The following KLF12 variants were observed in gnomAD, a reference collection of about 807,000 sequenced individuals.
KLF12 encodes Krueppel-like factor 12.
In KLF12, 9 loss-of-function variants were observed where a neutral mutation model predicts 37.8. That is an observed-to-expected ratio of 0.24 (90% CI 0.14 to 0.42). The LOEUF is 0.42. Ranked by LOEUF, KLF12 falls within the 10% of genes least tolerant of loss-of-function variation. The pLI is 1.00. For synonymous variants in KLF12, 208 were observed against 202.1 expected (o/e 1.03, Z -0.25); for missense variants, 411 against 516.0 (o/e 0.80, Z 1.97).
At chr13:74,182,823 T>C in the KLF12 span, among the ~76,000 whole-genome samples, 4 of 152,098 alleles carry the variant, frequency 2.6e-5, no homozygotes, top group African/African-American at 7.2e-5. Flanking sequence ...GGGAAATGCT[T>C]GGTTAAATAC....
At chr13:74,285,428 A>C in the KLF12 span, among the ~76,000 whole-genome samples, 1 of 152,220 alleles carries the variant, frequency 6.6e-6, no homozygotes, top group Non-Finnish European at 1.5e-5. Context: ...TTTCTCTCAT[A>C]AAACAGAAAG....
the KLF12 span, among the ~76,000 whole-genome samples, chr13:74,165,494 T>C: frequency 6.6e-6 from 1 of 152,030 alleles, no homozygotes; most frequent in Admixed American, 6.5e-5. Flanking sequence ...AGATGGGGTT[T>C]CACCGTGTTG....
At chr13:73,838,588 T>G (rs1189421248) in intron 4 of KLF12, among the ~76,000 whole-genome samples, 1 of 152,188 alleles carries the variant, frequency 6.6e-6, no homozygotes, top group African/African-American at 2.4e-5. Flanking sequence ...GGACCTATAA[T>G]AAGTTATTTT....
chr13:74,063,523 A>T (rs1233406268), intron 1 of KLF12, among the ~76,000 whole-genome samples: 1 of 152,212 alleles, frequency 6.6e-6, no homozygotes, highest in African/African-American at 2.4e-5. Flanking sequence ...TAATCAGCCA[A>T]GATTTTAATG....
At chr13:73,914,638 C>T (rs1400738733) in intron 3 of KLF12, among the ~76,000 whole-genome samples, 1 of 152,192 alleles carries the variant, frequency 6.6e-6, no homozygotes, top group Non-Finnish European at 1.5e-5. Flanking sequence ...TCCCCACAAT[C>T]ATTCTTCAAC....
chr13:73,896,080 T>A lies in KLF12; in HGVS notation c.123+47901A>T, dbSNP rs150990637. On this transcript the variant is annotated intron_variant, in intron 3 of 7. Coordinates refer to ENST00000377669, the MANE Select transcript of KLF12 (RefSeq NM_007249.5). ...AGGAGATCCACCCACCTTGGCCTCC[T>A]AAAGTTCTGGGATAGAAATCACCAC... is the stretch of plus-strand genomic sequence containing the variant. 3.9e-3 allele frequency among the ~76,000 whole-genome samples: 594 copies of A among 152,226 alleles called. 3 individuals are homozygous for A. Among genetic ancestry groups the A allele is most frequent in the African/African-American group, 0.014 (570 of 41,524 alleles).
the KLF12 span, among the ~76,000 whole-genome samples, chr13:74,238,095 T>C: frequency 7.3e-5 from 10 of 136,572 alleles, no homozygotes; most frequent in Non-Finnish European, 1.5e-4. Context: ...ATAGCTCTTA[T>C]TATTTTGAAA....
intron 3 of KLF12, among the ~76,000 whole-genome samples, chr13:73,854,010 C>T (rs547760597): frequency 6.6e-6 from 1 of 152,204 alleles, no homozygotes; most frequent in East Asian, 1.9e-4. Context: ...TGGATTAAGT[C>T]CTATTATCTT....
intron 1 of KLF12, among the ~76,000 whole-genome samples, chr13:74,130,773 A>G (rs1368997981): frequency 2.0e-5 from 3 of 152,244 alleles, no homozygotes; most frequent in African/African-American, 7.2e-5. Flanking sequence ...AAAAACTTAT[A>G]AACAAAAACT....
chr13:74,107,450 C>T (rs987680448), intron 1 of KLF12, among the ~76,000 whole-genome samples: 30 of 152,196 alleles, frequency 2.0e-4, no homozygotes, highest in Admixed American at 1.7e-3. Flanking sequence ...AATATCTCTA[C>T]AGAAATAAAA....
chr13:73,760,770 A>G (rs1436457547), intron 6 of KLF12, among the ~76,000 whole-genome samples: 1 of 152,184 alleles, frequency 6.6e-6, no homozygotes, highest in Non-Finnish European at 1.5e-5. Context: ...CGCCACCATT[A>G]TCAAGCAACG....
intron 2 of KLF12, among the ~76,000 whole-genome samples, chr13:73,964,916 A>G (rs767054176): frequency 1.3e-5 from 2 of 152,206 alleles, no homozygotes; most frequent in Non-Finnish European, 2.9e-5. Context: ...ATGACATTCC[A>G]AGGAAGCCAA....
chr13:73,734,288 A>G lies in KLF12; in HGVS notation c.870-18763T>C, dbSNP rs570179765. Reference sequence around the variant, plus strand: ...CCTGCACCACAGCTTCTCACTGTCTATTGCTTGCTTTGCTTCATATACCTT... The same window carrying G: ...CCTGCACCACAGCTTCTCACTGTCTGTTGCTTGCTTTGCTTCATATACCTT... On this transcript the variant is annotated intron_variant, in intron 6 of 7. Transcript: ENST00000377669. Among the ~76,000 whole-genome samples, 4 of 152,068 alleles carry G rather than the reference A, an allele frequency of 2.6e-5. No individual in the cohort carries two copies. In the East Asian group the frequency reaches 7.8e-4, roughly 30 times the overall value.
At chr13:74,064,226 T>A (rs1873774933) in intron 1 of KLF12, among the ~76,000 whole-genome samples, 1 of 152,184 alleles carries the variant, frequency 6.6e-6, no homozygotes, top group Non-Finnish European at 1.5e-5. Flanking sequence ...AAGAAAAACA[T>A]CACAGGGATT....
At chr13:74,292,111 TAGA>T in the KLF12 span, among the ~76,000 whole-genome samples, 4 of 152,196 alleles carry the variant, frequency 2.6e-5, no homozygotes, top group African/African-American at 9.6e-5. Context: ...CTATTAAAGT[TAGA>T]AGGACCTAGA....
At chr13:74,081,625 C>T (rs1361822667) in intron 1 of KLF12, among the ~76,000 whole-genome samples, 1 of 152,176 alleles carries the variant, frequency 6.6e-6, no homozygotes, top group East Asian at 1.9e-4. Flanking sequence ...CACTAGAATA[C>T]ACTGATCCCT....
At chr13:74,212,809 C>T in the KLF12 span, among the ~76,000 whole-genome samples, 3 of 151,890 alleles carry the variant, frequency 2.0e-5, no homozygotes, top group African/African-American at 4.8e-5. Flanking sequence ...TTCTCTGAAG[C>T]GCAGAAAAAT....
the KLF12 span, among the ~76,000 whole-genome samples, chr13:74,184,145 A>T: frequency 6.6e-6 from 1 of 152,186 alleles, no homozygotes; most frequent in South Asian, 2.1e-4. Flanking sequence ...AGTGACTCAG[A>T]TGTACAAAGA....
chr13:74,040,319 T>A lies in KLF12; in HGVS notation c.-31-45266A>T, dbSNP rs74587288. ...GATTCATGCCATCAAGGAGGGCATC[T>A]ATGAGGAAGAGAAAAAGTGTGCTCG... On this transcript the variant is annotated intron_variant, in intron 1 of 7. Coordinates refer to ENST00000377669, the MANE Select transcript of KLF12 (RefSeq NM_007249.5). Among the ~76,000 whole-genome samples, 291 of 152,268 alleles carry A rather than the reference T, an allele frequency of 1.9e-3. 3 individuals carry two copies. The highest frequency in any genetic ancestry group is 6.6e-3 in the African/African-American group (276 of 41,554).
Sources: gnomAD v4.1 joint callset for allele counts (sites outside exome capture counted in the v4.1 genomes callset) on GRCh38, gnomAD v4.1.1 for gene constraint, MANE v1.5 for transcripts, NCBI Gene and HGNC (gene_info 2026-07-23, HGNC 2026-07-21) for gene names.